CCDC171: variants seen among roughly 807,000 people sequenced by gnomAD.
CCDC171 encodes coiled-coil domain-containing protein 171.
CCDC171 carries 177 observed loss-of-function variants against 168.2 expected under a neutral mutation model. The ratio of observed to expected loss-of-function variants is 1.05; its 90% CI spans 0.93 to 1.19. The LOEUF is 1.19. Ranked by LOEUF, CCDC171 falls within the 50% of genes most tolerant of loss-of-function variation. The pLI is 0.00. For synonymous variants in CCDC171, 687 were observed against 540.8 expected, an observed-to-expected ratio of 1.27 and a Z score of -3.75; for missense variants, 1,991 against 1,539.0, an observed-to-expected ratio of 1.29 and a Z score of -4.91.
At chr9:15,902,875 A>T (rs1821916562) in intron 24 of CCDC171, among the ~76,000 whole-genome samples, 1 of 152,180 alleles carries the variant, frequency 6.6e-6, no homozygotes, top group African/African-American at 2.4e-5. Flanking sequence ...ATGGCACACC[A>T]GGAGATTATA....
At chr9:15,621,246 C>T (rs998217967) in intron 6 of CCDC171, among the ~76,000 whole-genome samples, 21 of 152,088 alleles carry the variant, frequency 1.4e-4, no homozygotes, top group African/African-American at 4.6e-4. Context: ...GGATTACAGG[C>T]GTGAGCCACT....
intron 11 of CCDC171, among the ~76,000 whole-genome samples, chr9:15,713,586 A>C (rs2052847822): frequency 6.6e-6 from 1 of 152,170 alleles, no homozygotes; most frequent in Non-Finnish European, 1.5e-5. Context: ...ATTGTTGGCC[A>C]TGTATTCAGT....
intron 21 of CCDC171, among the ~76,000 whole-genome samples, chr9:15,803,739 G>T (rs909103661): frequency 8.2e-6 from 1 of 121,974 alleles, no homozygotes; most frequent in South Asian, 2.9e-4. Flanking sequence ...GGACTGCCTA[G>T]GCTATTTGGG....
At chr9:15,576,415 T>C (rs2040668793) in intron 3 of CCDC171, among the ~76,000 whole-genome samples, 1 of 152,054 alleles carries the variant, frequency 6.6e-6, no homozygotes. Flanking sequence ...CTCAAACTCC[T>C]AGCCTCAAGC....
At chr9:15,629,251 C>A (rs1160479936) in intron 7 of CCDC171, among the ~76,000 whole-genome samples, 2 of 152,024 alleles carry the variant, frequency 1.3e-5, no homozygotes, top group African/African-American at 2.4e-5. Flanking sequence ...AGAGGAAATT[C>A]AAACCAAAGG....
intron 21 of CCDC171, among the ~76,000 whole-genome samples, chr9:15,785,476 A>T (rs574221562): frequency 6.6e-6 from 1 of 152,248 alleles, no homozygotes; most frequent in East Asian, 1.9e-4. Flanking sequence ...ATTATGATCA[A>T]TGATAAAATA....
In CCDC171 at chr9:15,791,739, T is replaced by C. The variant is rs1375245393; in HGVS notation, c.3267+7045T>C. On this transcript the variant is annotated intron_variant, in intron 21 of 25. Coordinates refer to ENST00000380701, the MANE Select transcript of CCDC171 (RefSeq NM_173550.4). ...GGTCTGGAGTGGACCTTCAGCAAAC[T>C]CCAACAGACCTGCAGCTGAGGGTCC... Among the ~76,000 whole-genome samples the C allele has an allele frequency of 2.0e-5, 3 of 152,150 alleles. No homozygotes were observed. The East Asian group carries it at 5.8e-4, about 29-fold the overall frequency.
At chr9:16,104,243 C>T in the CCDC171 span, among the ~76,000 whole-genome samples, 1 of 152,058 alleles carries the variant, frequency 6.6e-6, no homozygotes, top group Non-Finnish European at 1.5e-5. Context: ...CCTAATGGCA[C>T]AGATTCTCCT....
intron 25 of CCDC171, among the ~76,000 whole-genome samples, chr9:15,956,266 A>G (rs865872781): frequency 5.3e-5 from 8 of 152,176 alleles, no homozygotes; most frequent in Non-Finnish European, 1.0e-4. Context: ...GCCTGGTGTG[A>G]AATAGTGGGA....
chr9:15,892,164 TTCTC>T (rs1469957879), intron 24 of CCDC171, among the ~76,000 whole-genome samples: 1 of 152,202 alleles, frequency 6.6e-6, no homozygotes, highest in Non-Finnish European at 1.5e-5. Flanking sequence ...TAATTTGACT[TTCTC>T]TCTTTCTATT....
At chr9:15,955,995 A>C (rs1416407538) in intron 25 of CCDC171, among the ~76,000 whole-genome samples, 2 of 152,212 alleles carry the variant, frequency 1.3e-5, no homozygotes, top group Non-Finnish European at 2.9e-5. Flanking sequence ...TAGATGAAAA[A>C]TGTGGCTGGA....
At chr9:15,874,408 T>G (rs1311663899) in intron 23 of CCDC171, 124 bp from the exon 24 acceptor site, 7 of 720,204 alleles carry the variant, frequency 9.7e-6, no homozygotes, top group Non-Finnish European at 1.5e-5. Context: ...AGTCCTAAAT[T>G]TATTCATGGA....
chr9:15,580,551 C>A (rs1456092645), intron 4 of CCDC171, among the ~76,000 whole-genome samples: 1 of 151,780 alleles, frequency 6.6e-6, no homozygotes, highest in East Asian at 1.9e-4. Context: ...CAAATAATCC[C>A]ATCAAAAACT....
the CCDC171 span, among the ~76,000 whole-genome samples, chr9:16,105,665 A>G: frequency 6.6e-6 from 1 of 152,202 alleles, no homozygotes; most frequent in African/African-American, 2.4e-5. Flanking sequence ...AGGAAAAGCA[A>G]TACTGACTGG....
chr9:16,011,960 C>G (rs1832880852), intron 3 of CCDC171, among the ~76,000 whole-genome samples: 1 of 152,180 alleles, frequency 6.6e-6, no homozygotes, highest in African/African-American at 2.4e-5. Flanking sequence ...GTCTTGTCCC[C>G]AGTGGGCCAG....
At chr9:15,934,937 T>G (rs1407728866) in intron 25 of CCDC171, among the ~76,000 whole-genome samples, 6 of 152,058 alleles carry the variant, frequency 3.9e-5, no homozygotes. Flanking sequence ...CCATTTTATA[T>G]GAAATATCCA....
At chr9:16,070,713 C>T in the CCDC171 span, among the ~76,000 whole-genome samples, 2 of 152,186 alleles carry the variant, frequency 1.3e-5, no homozygotes, top group Non-Finnish European at 2.9e-5. Context: ...TCTATGGCCT[C>T]TATTTTGGCC....
At chr9:15,846,389 C>T (rs780755781) in intron 21 of CCDC171, among the ~76,000 whole-genome samples, 11 of 151,954 alleles carry the variant, frequency 7.2e-5, no homozygotes, top group Non-Finnish European at 7.4e-5. Flanking sequence ...TTTATTTTTT[C>T]ATCATTAAAA....
chr9:15,774,442 A>C (rs2057194074), intron 18 of CCDC171, among the ~76,000 whole-genome samples: 3 of 152,018 alleles, frequency 2.0e-5, no homozygotes, highest in Non-Finnish European at 4.4e-5. Context: ...CATAATAAAA[A>C]AAAATAAAAA....
Sources: allele counts gnomAD v4.1 joint callset (sites outside exome capture counted in the v4.1 genomes callset), GRCh38; gene constraint gnomAD v4.1.1; transcripts MANE v1.5; gene names NCBI Gene and HGNC (gene_info 2026-07-23, HGNC 2026-07-21).